Variants in MIPOL1 observed in about 807,000 individuals in gnomAD.
The protein encoded by MIPOL1 is mirror-image polydactyly gene 1 protein.
MIPOL1 carries 57 observed loss-of-function variants against 60.9 expected under a neutral mutation model. The ratio of observed to expected loss-of-function variants is 0.94; its 90% CI spans 0.76 to 1.17. The LOEUF (loss-of-function observed/expected upper bound fraction) is 1.17. Among genes scored for constraint, MIPOL1 ranks in the 50% most tolerant of loss-of-function variants. MIPOL1 has a pLI of 0.00. For synonymous variants in MIPOL1, 179 were observed against 168.8 expected, an observed-to-expected ratio of 1.06 and a Z score of -0.47; for missense variants, 551 against 511.6, an observed-to-expected ratio of 1.08 and a Z score of -0.74.
At chr14:37,318,096 T>C (rs1352940754) in intron 9 of MIPOL1, among the ~76,000 whole-genome samples, 1 of 152,148 alleles carries the variant, frequency 6.6e-6, no homozygotes, top group African/African-American at 2.4e-5. Flanking sequence ...ATAAAGCAGA[T>C]TGAGATTAGG....
chr14:37,302,826 C>G (rs1420965940), intron 7 of MIPOL1, among the ~76,000 whole-genome samples: 1 of 151,708 alleles, frequency 6.6e-6, no homozygotes, highest in Non-Finnish European at 1.5e-5. Context: ...ATCACATAAT[C>G]TTGATAGTGA....
At chr14:37,475,307 T>C (rs1304634553) in intron 11 of MIPOL1, among the ~76,000 whole-genome samples, 1 of 152,224 alleles carries the variant, frequency 6.6e-6, no homozygotes, top group African/African-American at 2.4e-5. Context: ...GTTCTTTGTG[T>C]ATTTTGAATA....
In MIPOL1 at chr14:37,299,198, C is replaced by CA. The variant is rs1352298219; in HGVS notation, c.624-8852dup. On this transcript the variant is annotated intron_variant, in intron 7 of 12. Transcript: ENST00000684589. ...CATTCTCAGCAAACTATTGCAAGGACAAAAAACCAAACACCTCATGTTCTC... is the reference window on the plus strand; with the variant it reads ...CATTCTCAGCAAACTATTGCAAGGACAAAAAAACCAAACACCTCATGTTCTC... 4.1e-5 allele frequency among the ~76,000 whole-genome samples: 6 copies of CA among 146,002 alleles called. No individual in the cohort carries two copies. The South Asian group carries it at 8.5e-4, about 21-fold the overall frequency.
chr14:37,222,210 G>A (rs1431439625), intron 1 of MIPOL1, among the ~76,000 whole-genome samples: 1 of 151,200 alleles, frequency 6.6e-6, no homozygotes, highest in East Asian at 2.0e-4. Flanking sequence ...AAACCTAACA[G>A]CGAAAACATT....
At chr14:37,289,027 G>A (rs1176327618) in intron 7 of MIPOL1, among the ~76,000 whole-genome samples, 4 of 152,094 alleles carry the variant, frequency 2.6e-5, no homozygotes, top group East Asian at 3.9e-4. Flanking sequence ...CTATAGCCAC[G>A]TTAGTTTTTA....
At position 37,544,516 on chromosome 14, in the gene MIPOL1, C is replaced by T. The variant is rs563092750; in HGVS notation, c.1263-2389C>T. On this transcript the variant is annotated intron_variant, in intron 12 of 12. Transcript: ENST00000684589. ...AGCTGGAGCCTATTTTAGTGAGCTA[C>T]ATAATTTTTTAAGGACATTATTGAT... 5.9e-5 allele frequency among the ~76,000 whole-genome samples: 9 copies of T among 152,328 alleles called. No individual in the cohort carries two copies. The East Asian group carries it at 1.7e-3, about 29-fold the overall frequency.
intron 7 of MIPOL1, among the ~76,000 whole-genome samples, chr14:37,305,492 A>G (rs1349152761): frequency 6.6e-6 from 1 of 151,838 alleles, no homozygotes; most frequent in Non-Finnish European, 1.5e-5. Flanking sequence ...TAGCTATGAT[A>G]AGAGAGCCTA....
chr14:37,431,620 C>G (rs2094070226), intron 11 of MIPOL1, among the ~76,000 whole-genome samples: 2 of 116,876 alleles, frequency 1.7e-5, no homozygotes, highest in African/African-American at 6.8e-5. Context: ...GCTCTGTCGC[C>G]CAGGCTGGAG....
chr14:37,322,823 T>G (rs2088742509), intron 9 of MIPOL1, among the ~76,000 whole-genome samples: 1 of 152,114 alleles, frequency 6.6e-6, no homozygotes, highest in African/African-American at 2.4e-5. Context: ...TTGATGGGGT[T>G]GTTTGTTTTT....
chr14:37,364,379 C>A (rs2092397128), intron 9 of MIPOL1, among the ~76,000 whole-genome samples: 1 of 152,208 alleles, frequency 6.6e-6, no homozygotes, highest in Non-Finnish European at 1.5e-5. Context: ...TTAAGTCTTT[C>A]ATCCATTTTG....
At chr14:37,458,600 C>G (rs1014498053) in intron 11 of MIPOL1, among the ~76,000 whole-genome samples, 2 of 151,992 alleles carry the variant, frequency 1.3e-5, no homozygotes, top group African/African-American at 4.8e-5. Flanking sequence ...GAGAGGATCA[C>G]TTGAAGTCAG....
At chr14:37,290,372 A>G (rs2084949201) in intron 7 of MIPOL1, among the ~76,000 whole-genome samples, 1 of 151,900 alleles carries the variant, frequency 6.6e-6, no homozygotes, top group Admixed American at 6.6e-5. Flanking sequence ...ACTACAGGTG[A>G]GTGCCACCAC....
chr14:37,203,875 C>T lies in MIPOL1; in HGVS notation c.-199+5771C>T, dbSNP rs181694312. On this transcript the variant is annotated intron_variant, in intron 1 of 12. Transcript: ENST00000684589. The stretch of plus-strand genomic sequence containing the variant: ...TTGGCTCACTGCAACCTCCGCCTCC[C>T]GGGTTCAAGCAATTCTCCTGCCTCA... Among the ~76,000 whole-genome samples, 467 of 152,260 alleles carry T rather than the reference C, an allele frequency of 3.1e-3. 2 individuals carry two copies. In the Middle Eastern group the frequency reaches 0.037, roughly 12 times the overall value.
At chr14:37,220,773 C>T (rs968982599) in intron 1 of MIPOL1, among the ~76,000 whole-genome samples, 7 of 152,074 alleles carry the variant, frequency 4.6e-5, no homozygotes, top group Admixed American at 2.0e-4. Flanking sequence ...CTACATGTCT[C>T]TATTTGTTTA....
intron 11 of MIPOL1, among the ~76,000 whole-genome samples, chr14:37,498,355 A>G (rs1279879809): frequency 6.6e-6 from 1 of 152,210 alleles, no homozygotes; most frequent in Non-Finnish European, 1.5e-5. Context: ...TTAAATATAA[A>G]GAACATAAAC....
intron 10 of MIPOL1, chr14:37,401,708 G>T (rs2093484885): frequency 6.6e-6 from 1 of 152,010 alleles, no homozygotes; most frequent in Admixed American, 6.6e-5. Context: ...ACTTGAAGAA[G>T]TATTATAGCT....
chr14:37,349,920 A>C (rs2091229741), intron 9 of MIPOL1, among the ~76,000 whole-genome samples: 1 of 152,214 alleles, frequency 6.6e-6, no homozygotes, highest in Non-Finnish European at 1.5e-5. Context: ...CGTTCCTTGG[A>C]GGAGAAAAGA....
intron 1 of MIPOL1, among the ~76,000 whole-genome samples, chr14:37,230,135 A>G (rs1238910913): frequency 2.6e-5 from 4 of 152,250 alleles, no homozygotes; most frequent in Admixed American, 2.6e-4. Context: ...CCCATTCCAC[A>G]ATGTATATTT....
chr14:37,528,167 A>G (rs1373474737), intron 12 of MIPOL1, among the ~76,000 whole-genome samples: 1 of 152,086 alleles, frequency 6.6e-6, no homozygotes. Flanking sequence ...AGTTTAAAAT[A>G]TAGCTAGGCA....
Sources: allele counts gnomAD v4.1 joint callset (sites outside exome capture counted in the v4.1 genomes callset), GRCh38; gene constraint gnomAD v4.1.1; transcripts MANE v1.5; gene names NCBI Gene and HGNC (gene_info 2026-07-23, HGNC 2026-07-21).